Variants in SYNJ2 observed in about 807,000 individuals in gnomAD.
The protein encoded by SYNJ2 is polyphosphatidylinositol phosphatase SYNJ2.
A neutral mutation model predicts 141.3 loss-of-function variants in SYNJ2; 116 were observed. The observed-to-expected ratio is 0.82, with a 90% CI of 0.71 to 0.96. The LOEUF (loss-of-function observed/expected upper bound fraction) is 0.96. SYNJ2 is among the 40% of genes least tolerant of loss of function. The pLI, the probability that SYNJ2 is intolerant of heterozygous loss-of-function variation, is 0.00. For missense variants in SYNJ2, 1,873 were observed against 1,934.8 expected (o/e 0.97, Z 0.60); for synonymous variants, 745 against 777.7 (o/e 0.96, Z 0.70).
In SYNJ2 at chr6:158,043,752, C is replaced by T. The variant is rs182015456; in HGVS notation, c.795+353C>T. On this transcript the variant is annotated intron_variant, in intron 5 of 26. Coordinates refer to ENST00000355585, the MANE Select transcript of SYNJ2 (RefSeq NM_003898.4). The surrounding 1 kb of genome is among the most constrained non-coding windows in gnomAD (Gnocchi z 4.0). ...GACCCTGAGTTCGGTGTACTGAGGA[C>T]GTTTCTGAGAGCCGTGACTCTCATG... 3.3e-5 allele frequency among the ~76,000 whole-genome samples: 5 copies of T among 152,118 alleles called. No individual in the cohort carries two copies. The highest frequency in any genetic ancestry group is 2.1e-4 in the South Asian group (1 of 4,826).
chr6:158,041,469 C>T (rs1043705266), intron 4 of SYNJ2, among the ~76,000 whole-genome samples: 3 of 152,198 alleles, frequency 2.0e-5, no homozygotes, highest in African/African-American at 7.2e-5. Context: ...GTGCAGATGT[C>T]ACCTACTTCC....
At chr6:158,077,367 C>T (rs1363794532) in intron 17 of SYNJ2, among the ~76,000 whole-genome samples, 12 of 152,152 alleles carry the variant, frequency 7.9e-5, no homozygotes, top group Non-Finnish European at 1.6e-4. Flanking sequence ...CACAGCTCCC[C>T]CCCACACCCC....
rs775329433 is a variant in SYNJ2, at chr6:158,086,840, C to T, written c.3209-15C>T. The T allele has an allele frequency of 3.1e-6, 5 of 1,611,002 alleles. No homozygotes were observed. Among genetic ancestry groups the T allele is most frequent in the Non-Finnish European group, 4.2e-6 (5 of 1,179,910 alleles). On this transcript the variant is annotated splice_polypyrimidine_tract_variant and intron_variant, in intron 22 of 26. Transcript: ENST00000355585. ...GGAACAGACCATTGTACTCATGCCC[C>T]GCCATGTCCTCCAGATGACGCGGAC... is the stretch of plus-strand genomic sequence containing the variant.
At chr6:158,082,039 C>G (rs1352174060) in intron 20 of SYNJ2, among the ~76,000 whole-genome samples, 1 of 152,148 alleles carries the variant, frequency 6.6e-6, no homozygotes, top group Non-Finnish European at 1.5e-5. Flanking sequence ...ATGTCCGGCT[C>G]TAGCTACTTG....
In SYNJ2 at chr6:158,071,472, T is replaced by G; in HGVS notation, c.1941-130T>G. 2 of 1,058,052 alleles carry G rather than the reference T, an allele frequency of 1.9e-6. No individual in the cohort carries two copies. The highest frequency in any genetic ancestry group is 2.7e-6 in the Non-Finnish European group (2 of 744,126). The allele number at this position is 1,058,052 out of a possible 1,614,324, so 65.5% of individuals were successfully genotyped here. On this transcript the variant is annotated intron_variant, in intron 14 of 26. Transcript: ENST00000355585. The surrounding 1 kb of genome is among the most constrained non-coding windows in gnomAD (Gnocchi z 4.3). Reference sequence around the variant, plus strand: ...TCGATGACGGCCACGGTGGCCACTGTGTTGAGCTGATGATTTTGGAGCACT... The same window carrying G: ...TCGATGACGGCCACGGTGGCCACTGGGTTGAGCTGATGATTTTGGAGCACT...
chr6:158,092,626 G>T (rs1447474793), intron 25 of SYNJ2, among the ~76,000 whole-genome samples: 1 of 152,114 alleles, frequency 6.6e-6, no homozygotes, highest in Admixed American at 6.5e-5. Context: ...TTGGCTGGGC[G>T]TGGCAGTGCT....
At position 158,096,972 on chromosome 6, in the gene SYNJ2, G is replaced by T. The variant is rs1402393140; in HGVS notation, c.*608G>T. On this transcript the variant is annotated 3_prime_UTR_variant, in exon 27 of 27. Coordinates refer to ENST00000355585, the MANE Select transcript of SYNJ2 (RefSeq NM_003898.4). Reference sequence around the variant, plus strand: ...ACATGTGCGTTAACCTTGATGATGCGTGAATCCCGAGGGAGCCGGTGGCAT... The same window carrying T: ...ACATGTGCGTTAACCTTGATGATGCTTGAATCCCGAGGGAGCCGGTGGCAT... 1 of 152,770 alleles carries T rather than the reference G, an allele frequency of 6.5e-6. No individual in the cohort carries two copies. Among genetic ancestry groups the T allele is most frequent in the African/African-American group, 2.4e-5 (1 of 41,452 alleles). The allele number at this position is 152,770 out of a possible 1,614,324, so 9.5% of individuals were successfully genotyped here.
chr6:158,067,103 C>G (rs1217714257), intron 12 of SYNJ2, among the ~76,000 whole-genome samples: 1 of 152,210 alleles, frequency 6.6e-6, no homozygotes, highest in Non-Finnish European at 1.5e-5. Context: ...ACTGCAACCT[C>G]CATCTCCAAG....
intron 5 of SYNJ2, among the ~76,000 whole-genome samples, chr6:158,048,134 A>C (rs954922655): frequency 6.6e-6 from 1 of 152,180 alleles, no homozygotes; most frequent in East Asian, 1.9e-4. Context: ...CAGGGATCAG[A>C]TACAGTCCCT....
chr6:157,997,344 G>A (rs1777671111), intron 1 of SYNJ2, among the ~76,000 whole-genome samples: 1 of 152,272 alleles, frequency 6.6e-6, no homozygotes, highest in Non-Finnish European at 1.5e-5. Context: ...GATCGTACTG[G>A]TATAGGGTGG....
chr6:157,999,029 C>T (rs1777737479), intron 1 of SYNJ2, among the ~76,000 whole-genome samples: 1 of 152,160 alleles, frequency 6.6e-6, no homozygotes. Context: ...TTTGTGCAGC[C>T]TTTTGTAACA....
At chr6:158,072,532 G>A (rs1286826800) in intron 15 of SYNJ2, among the ~76,000 whole-genome samples, 1 of 152,186 alleles carries the variant, frequency 6.6e-6, no homozygotes, top group African/African-American at 2.4e-5. Flanking sequence ...TGTCTGAGAG[G>A]TGGTGGGTTG....
intron 1 of SYNJ2, among the ~76,000 whole-genome samples, chr6:158,007,917 T>G (rs1185749492): frequency 6.6e-6 from 1 of 152,082 alleles, no homozygotes; most frequent in Non-Finnish European, 1.5e-5. Flanking sequence ...GCCTCCCAAA[T>G]AGCTGGGACC....
intron 1 of SYNJ2, among the ~76,000 whole-genome samples, chr6:158,000,521 C>T (rs1777805668): frequency 6.6e-6 from 1 of 152,256 alleles, no homozygotes; most frequent in East Asian, 1.9e-4. Flanking sequence ...GGGTCCCTAA[C>T]CCATGCTCAT....
Position 158,095,747 on chromosome 6 carries a change from T to C in SYNJ2, c.3874T>C (p.Phe1292Leu). The change falls in exon 27 of 27, where the codon TTT becomes CTT. Residue 1292 changes from phenylalanine (F) to leucine (L), a missense_variant. Physicochemically the swap from Phe to Leu is conservative, Grantham distance 22. Transcript: ENST00000355585. ...CCCTCCTGTTCCCAAACCAAGAACA[T>C]TTCAGCCTGGGAAAGCTGCAGAGAG... ...RVPPVPKPRT[F>L]QPGKAAERPS... The C allele has an allele frequency of 6.2e-7, 1 of 1,614,016 alleles. No homozygotes were observed. The highest frequency in any genetic ancestry group is 1.1e-5 in the South Asian group (1 of 91,068).
At chr6:158,059,121 A>G (rs1781046363) in intron 6 of SYNJ2, 136 bp from the exon 7 acceptor site, 13 of 912,038 alleles carry the variant, frequency 1.4e-5, no homozygotes, top group Admixed American at 3.6e-5. Context: ...GATTTGGGTC[A>G]TGGGGGACAG....
In SYNJ2 at chr6:158,043,246, C is replaced by T; in HGVS notation, c.712-70C>T. On this transcript the variant is annotated intron_variant, in intron 4 of 26. Coordinates refer to ENST00000355585, the MANE Select transcript of SYNJ2 (RefSeq NM_003898.4). The surrounding 1 kb of genome is among the most constrained non-coding windows in gnomAD (Gnocchi z 4.0). The stretch of plus-strand genomic sequence containing the variant: ...GTGTCGGGTCACAGGTGGCCGGATC[C>T]CGTTACCCAGCCCAGGACGTTCGGT... The T allele has an allele frequency of 1.4e-6, 2 of 1,420,884 alleles. No homozygotes were observed. The highest frequency in any genetic ancestry group is 2.0e-6 in the Non-Finnish European group (2 of 1,012,354). The allele number at this position is 1,420,884 out of a possible 1,614,324, so 88.0% of individuals were successfully genotyped here.
At chr6:158,068,547 T>C (rs1483064504) in intron 12 of SYNJ2, 100 bp from the exon 13 acceptor site, 4 of 1,322,856 alleles carry the variant, frequency 3.0e-6, no homozygotes, top group Middle Eastern at 1.9e-4. Context: ...ACTCAGGCAG[T>C]GGACAGCATG....
At chr6:158,087,415 C>T (rs901351056) in intron 23 of SYNJ2, among the ~76,000 whole-genome samples, 1 of 152,208 alleles carries the variant, frequency 6.6e-6, no homozygotes, top group East Asian at 1.9e-4. Context: ...CACCCCTCTG[C>T]GCTCCGAGGC....
Sources: gnomAD v4.1 joint callset for allele counts (sites outside exome capture counted in the v4.1 genomes callset) on GRCh38, gnomAD v4.1.1 for gene constraint, Gnocchi (gnomAD v3.1) non-coding constraint, MANE v1.5 for transcripts, NCBI Gene and HGNC (gene_info 2026-07-23, HGNC 2026-07-21) for gene names.